Variants in DOCK10 observed in about 807,000 individuals in gnomAD.
The protein encoded by DOCK10 is dedicator of cytokinesis 10.
In DOCK10, 145 loss-of-function variants were observed where a neutral mutation model predicts 280.1. That is an observed-to-expected ratio of 0.52 (90% confidence interval 0.45 to 0.59). The LOEUF (loss-of-function observed/expected upper bound fraction) is 0.59, where lower values mean the gene tolerates loss of function less well. Among genes scored for constraint, DOCK10 ranks in the 20% least tolerant of loss-of-function variants. The pLI is 0.00. For synonymous variants in DOCK10, 915 were observed against 942.2 expected (o/e 0.97, Z 0.53); for missense variants, 2,368 against 2,651.7 (o/e 0.89, Z 2.35).
chr2:224,864,606 C>T lies in DOCK10; in HGVS notation c.1549G>A (p.Gly517Arg). 1 of 1,613,264 alleles carries T rather than the reference C, an allele frequency of 6.2e-7. No homozygotes were observed. Among genetic ancestry groups the T allele is most frequent in the Non-Finnish European group, 8.5e-7 (1 of 1,179,720 alleles). ...LVAKIEKVLM[G>R]NIASGAEPYI... is the part of the protein sequence containing the mutation. ...GGTTCGGCACCACTTGCAATGTTTC[C>T]CATCAAGACTTTTTCGATTTTGGCC... The change falls in exon 13 of 56, where the codon GGA becomes AGA. Residue 517 changes from glycine to arginine, a missense_variant. By Grantham distance (125) the Gly-to-Arg change is moderately radical. Around this residue, in one of 2 missense-constraint regions of DOCK10, gnomAD observed 1,209 missense variants for 1,250.9 expected, o/e 0.97. Coordinates refer to ENST00000258390, the MANE Select transcript of DOCK10 (RefSeq NM_014689.3).
At chr2:224,888,678 AAT>A (rs752111484) in intron 4 of DOCK10, among the ~76,000 whole-genome samples, 4 of 151,396 alleles carry the variant, frequency 2.6e-5, no homozygotes, top group Non-Finnish European at 4.4e-5. Flanking sequence ...TATATGTGTG[AAT>A]ATATATGTGT....
intron 1 of DOCK10, among the ~76,000 whole-genome samples, chr2:224,968,956 C>A (rs764458178): frequency 1.3e-5 from 2 of 152,178 alleles, no homozygotes; most frequent in Non-Finnish European, 2.9e-5. Context: ...CAAACAGAGG[C>A]AGAAGATTGG....
At chr2:224,961,438 C>CTTTCTT (rs1704416003) in intron 1 of DOCK10, among the ~76,000 whole-genome samples, 1 of 128,232 alleles carries the variant, frequency 7.8e-6, no homozygotes, top group Non-Finnish European at 1.7e-5. Context: ...TTCTTTCTTT[C>CTTTCTT]TTTCTTTCTT....
At chr2:224,884,088 G>T (rs549886444) in intron 7 of DOCK10, among the ~76,000 whole-genome samples, 1 of 152,226 alleles carries the variant, frequency 6.6e-6, no homozygotes, top group East Asian at 1.9e-4. Flanking sequence ...CTCCATTAAG[G>T]TCATTATTGC....
At chr2:224,817,611 T>C (rs1410348104) in intron 29 of DOCK10, among the ~76,000 whole-genome samples, 5 of 152,218 alleles carry the variant, frequency 3.3e-5, no homozygotes, top group African/African-American at 1.2e-4. Flanking sequence ...CTATTTTACA[T>C]TGAGAACATT....
chr2:224,865,905 A>T (rs1421585300), intron 11 of DOCK10, among the ~76,000 whole-genome samples: 5 of 149,140 alleles, frequency 3.4e-5, no homozygotes, highest in African/African-American at 7.4e-5. Flanking sequence ...ATACACACAC[A>T]CTCTCTCTCT....
chr2:225,019,680 T>C (rs1299975213), intron 1 of DOCK10, among the ~76,000 whole-genome samples: 2 of 152,212 alleles, frequency 1.3e-5, no homozygotes, highest in Non-Finnish European at 2.9e-5. Flanking sequence ...AGAGGGTTTA[T>C]TCCGTCTTCA....
At chr2:224,772,787 G>A (rs1027374504) in intron 53 of DOCK10, among the ~76,000 whole-genome samples, 1 of 151,678 alleles carries the variant, frequency 6.6e-6, no homozygotes, top group African/African-American at 2.4e-5. Flanking sequence ...ATTCTTTTTT[G>A]GATTTGTTTC....
intron 11 of DOCK10, among the ~76,000 whole-genome samples, chr2:224,873,161 T>C (rs562257822): frequency 1.3e-5 from 2 of 152,362 alleles, no homozygotes; most frequent in South Asian, 4.1e-4. Context: ...CTTTACTTGA[T>C]ACACTGTTTA....
intron 1 of DOCK10, among the ~76,000 whole-genome samples, chr2:225,023,863 C>T (rs987960465): frequency 1.2e-4 from 19 of 152,106 alleles, no homozygotes; most frequent in African/African-American, 3.6e-4. Context: ...TAAAAAGCAG[C>T]GGGGGAATCT....
intron 55 of DOCK10, among the ~76,000 whole-genome samples, chr2:224,767,090 C>T (rs1431155236): frequency 1.3e-5 from 2 of 152,188 alleles, no homozygotes; most frequent in Non-Finnish European, 2.9e-5. Context: ...TAGTTTTAAT[C>T]ATGGGGCCTT....
chr2:224,962,865 A>G (rs1704528200), intron 1 of DOCK10, among the ~76,000 whole-genome samples: 1 of 152,226 alleles, frequency 6.6e-6, no homozygotes, highest in African/African-American at 2.4e-5. Flanking sequence ...AAAATTTAAA[A>G]GAGAATAACA....
chr2:224,938,725 C>T (rs1299306450), intron 1 of DOCK10, among the ~76,000 whole-genome samples: 2 of 152,174 alleles, frequency 1.3e-5, no homozygotes, highest in East Asian at 3.9e-4. Context: ...AACTTCCACG[C>T]CACTTGTGTT....
chr2:224,915,478 GA>G (rs1458888540), intron 3 of DOCK10, among the ~76,000 whole-genome samples: 1 of 151,216 alleles, frequency 6.6e-6, no homozygotes, highest in Admixed American at 6.6e-5. Flanking sequence ...ATGGAATTGG[GA>G]AAAAAAAGAC....
intron 27 of DOCK10, among the ~76,000 whole-genome samples, chr2:224,826,224 C>T (rs6757600): frequency 0.19 from 28,413 of 152,004 alleles, 4,186 homozygotes; most frequent in African/African-American, 0.41. Context: ...CCACCACATC[C>T]AGCTAACTTT....
chr2:224,843,626 T>C (rs1367804181), intron 22 of DOCK10, among the ~76,000 whole-genome samples: 1 of 152,200 alleles, frequency 6.6e-6, no homozygotes, highest in Non-Finnish European at 1.5e-5. Flanking sequence ...GGATCAAGTA[T>C]GGCTTACAGA....
In DOCK10 at chr2:224,786,797, C is replaced by T. The variant is rs182648125; in HGVS notation, c.5655+225G>A. Among the ~76,000 whole-genome samples the T allele has an allele frequency of 0.012, 1,823 of 151,808 alleles. 27 individuals carry two copies. Among genetic ancestry groups the T allele is most frequent in the African/African-American group, 0.042 (1,733 of 41,120 alleles). On this transcript the variant is annotated intron_variant, in intron 50 of 55. Transcript: ENST00000258390. This position sits in a 1 kb window ranked among gnomAD's most constrained non-coding sequence, Gnocchi z 4.7. ...CCTCTTTCTTCAAGAAGTTAGAAAT[C>T]ACTGTTAACTCAACCCATGGATTTC...
At chr2:224,843,628 G>A (rs757366863) in intron 22 of DOCK10, among the ~76,000 whole-genome samples, 4 of 152,080 alleles carry the variant, frequency 2.6e-5, no homozygotes, top group Non-Finnish European at 5.9e-5. Flanking sequence ...ATCAAGTATG[G>A]CTTACAGATA....
At chr2:224,974,667 G>C (rs1395039305) in intron 1 of DOCK10, among the ~76,000 whole-genome samples, 1 of 150,304 alleles carries the variant, frequency 6.7e-6, no homozygotes, top group Non-Finnish European at 1.5e-5. Context: ...GCAGTAATTT[G>C]TTGGAGTCTA....
Sources: gnomAD v4.1 joint callset for allele counts (sites outside exome capture counted in the v4.1 genomes callset) on GRCh38, gnomAD v4.1.1 for gene constraint, gnomAD v4.1.1 regional missense constraint, Gnocchi (gnomAD v3.1) non-coding constraint, MANE v1.5 for transcripts, NCBI Gene and HGNC (gene_info 2026-07-23, HGNC 2026-07-21) for gene names.